Variants in NPTN observed in about 807,000 individuals in gnomAD.
NPTN encodes neuroplastin, also known as SDR-1.
A neutral mutation model predicts 42.7 loss-of-function variants in NPTN; 5 were observed. That is an observed-to-expected ratio of 0.12 (90% confidence interval 0.06 to 0.25). The LOEUF (loss-of-function observed/expected upper bound fraction) is 0.25. NPTN is among the 10% of genes least tolerant of loss of function. The pLI is 1.00. For missense variants in NPTN, 307 were observed against 525.4 expected, an observed-to-expected ratio of 0.58 and a Z score of 4.06; for synonymous variants, 180 against 201.9, an observed-to-expected ratio of 0.89 and a Z score of 0.92.
At chr15:73,591,815 G>A in intron 3 of NPTN, 151 bp downstream of exon 3, 1 of 643,870 alleles carries the variant, frequency 1.6e-6, no homozygotes, top group Non-Finnish European at 2.6e-6. Flanking sequence ...CTAGACTACT[G>A]GGCCTTACCT....
chr15:73,573,931 G>A (rs2141365674), intron 4 of NPTN, 136 bp from the exon 5 acceptor site: 1 of 1,148,352 alleles, frequency 8.7e-7, no homozygotes, highest in Non-Finnish European at 1.2e-6. Context: ...CTTTGATGAA[G>A]AGCATTTCAG....
chr15:73,563,662 T>G, intron 6 of NPTN: 1 of 697,158 alleles, frequency 1.4e-6, no homozygotes, highest in Non-Finnish European at 1.8e-6. Flanking sequence ...ATGCATGCAG[T>G]TTTGGCTCAA....
At position 73,560,583 on chromosome 15, in the gene NPTN, A is replaced by ATTTAC. The variant is rs945919897; in HGVS notation, c.*475_*479dup. ...TCAGCAGCTTAAAAATGAAACAAGCATTTACTTTATTTTGGATTTCTCCCA... is the reference window on the plus strand; with the variant it reads ...TCAGCAGCTTAAAAATGAAACAAGCATTTACTTTACTTTATTTTGGATTTCTCCCA... On this transcript the variant is annotated 3_prime_UTR_variant, in exon 9 of 9. Transcript: ENST00000345330. 2.7e-5 allele frequency: 4 copies of ATTTAC among 150,926 alleles called. No homozygotes were observed. Among genetic ancestry groups the ATTTAC allele is most frequent in the Non-Finnish European group, 5.9e-5 (4 of 67,722 alleles). The allele number at this position is 150,926 out of a possible 1,614,324, so 9.3% of individuals were successfully genotyped here.
chr15:73,599,278 C>T (rs1314484106), intron 1 of NPTN, among the ~76,000 whole-genome samples: 1 of 152,100 alleles, frequency 6.6e-6, no homozygotes, highest in Non-Finnish European at 1.5e-5. Flanking sequence ...CACAAACTAC[C>T]ACCTGCCCAC....
chr15:73,587,125 G>A (rs1896355989), intron 4 of NPTN, among the ~76,000 whole-genome samples: 1 of 152,126 alleles, frequency 6.6e-6, no homozygotes, highest in Non-Finnish European at 1.5e-5. Context: ...TACTTGTAAG[G>A]CACTGATCTA....
At chr15:73,601,981 A>G (rs1897103317) in intron 1 of NPTN, among the ~76,000 whole-genome samples, 1 of 152,150 alleles carries the variant, frequency 6.6e-6, no homozygotes, top group Non-Finnish European at 1.5e-5. Context: ...AGCCGGAGAA[A>G]AGGAGGAGCT....
chr15:73,612,437 A>T (rs76666422), intron 1 of NPTN, among the ~76,000 whole-genome samples: 40 of 143,176 alleles, frequency 2.8e-4, no homozygotes, highest in African/African-American at 1.0e-3. Context: ...AAAAAAAAAA[A>T]GGAAGAAAAG....
chr15:73,587,452 G>T, intron 4 of NPTN, 72 bp downstream of exon 4: 1 of 1,038,048 alleles, frequency 9.6e-7, no homozygotes, highest in Non-Finnish European at 1.5e-6. Context: ...CTTGAAGACT[G>T]GGACTCCAGA....
chr15:73,562,894 TG>T (rs1327777889), intron 7 of NPTN, among the ~76,000 whole-genome samples: 1 of 152,126 alleles, frequency 6.6e-6, no homozygotes, highest in Non-Finnish European at 1.5e-5. Context: ...CTGAAATGCT[TG>T]GGATCAGAAA....
At chr15:73,600,922 C>T (rs989779401) in intron 1 of NPTN, among the ~76,000 whole-genome samples, 7 of 152,182 alleles carry the variant, frequency 4.6e-5, no homozygotes, top group African/African-American at 1.4e-4. Flanking sequence ...TTCCAATGCC[C>T]TGCTCTGGAG....
chr15:73,625,707 C>T (rs1273891008), intron 1 of NPTN, among the ~76,000 whole-genome samples: 1 of 151,966 alleles, frequency 6.6e-6, no homozygotes, highest in Non-Finnish European at 1.5e-5. Flanking sequence ...ATAAACTAAC[C>T]CCTACTGACT....
Position 73,597,396 on chromosome 15 carries a change from G to A in NPTN, c.92-27C>T. 2.0e-6 allele frequency: 3 copies of A among 1,509,852 alleles called. No individual in the cohort carries two copies. Among genetic ancestry groups the A allele is most frequent in the Non-Finnish European group, 2.7e-6 (3 of 1,099,208 alleles). 93.5% of individuals were successfully genotyped at this position (1,509,852 alleles called of 1,614,324 possible). A position where few individuals can be genotyped will look rare whatever the true frequency, so the allele number is the denominator to read the frequency against. On this transcript the variant is annotated intron_variant, in intron 1 of 8. Transcript: ENST00000345330. The surrounding 1 kb of genome is among the most constrained non-coding windows in gnomAD (Gnocchi z 6.3). ...TAGAGGGAGGGGGAGCAGGAATGCA[G>A]TGACAGGCCAATCAGAAAAAAAAAA...
intron 1 of NPTN, chr15:73,632,784 C>T: frequency 4.0e-6 from 1 of 250,950 alleles, no homozygotes. Flanking sequence ...CTAAGAGCTG[C>T]GCCCCCTCCT....
At chr15:73,590,647 C>T (rs1339366137) in intron 3 of NPTN, among the ~76,000 whole-genome samples, 2 of 150,722 alleles carry the variant, frequency 1.3e-5, no homozygotes, top group African/African-American at 4.9e-5. Flanking sequence ...TGGTGGTGTG[C>T]ACCTGTGGTC....
chr15:73,565,376 T>TA (rs1894926570), intron 6 of NPTN, among the ~76,000 whole-genome samples: 1 of 152,132 alleles, frequency 6.6e-6, no homozygotes, highest in Admixed American at 6.5e-5. Context: ...AGAAAAAAGA[T>TA]ACAGAAACCA....
chr15:73,631,710 C>T (rs1898753696), intron 1 of NPTN, among the ~76,000 whole-genome samples: 1 of 152,180 alleles, frequency 6.6e-6, no homozygotes, highest in Non-Finnish European at 1.5e-5. Flanking sequence ...AGTTCACTCT[C>T]CAGTACTGAC....
At chr15:73,601,261 T>A (rs1183148019) in intron 1 of NPTN, among the ~76,000 whole-genome samples, 1 of 151,856 alleles carries the variant, frequency 6.6e-6, no homozygotes, top group East Asian at 1.9e-4. Context: ...ACTAAGGAAT[T>A]CCTTGATAGC....
At chr15:73,567,611 AG>A in intron 6 of NPTN, 1 of 985,426 alleles carries the variant, frequency 1.0e-6, no homozygotes. Context: ...AACTCACCAA[AG>A]AACATTCAAC....
At chr15:73,591,739 T>A in intron 3 of NPTN, 1 of 375,384 alleles carries the variant, frequency 2.7e-6, no homozygotes, top group Non-Finnish European at 4.8e-6. Flanking sequence ...TCTCTATGAT[T>A]ATAGTGAGGG....
Sources: gnomAD v4.1 joint callset for allele counts (sites outside exome capture counted in the v4.1 genomes callset) on GRCh38, gnomAD v4.1.1 for gene constraint, Gnocchi (gnomAD v3.1) non-coding constraint, MANE v1.5 for transcripts, NCBI Gene and HGNC (gene_info 2026-07-23, HGNC 2026-07-21) for gene names.